ELMO1: variants seen among roughly 807,000 people sequenced by gnomAD.
ELMO1 encodes the protein engulfment and cell motility protein 1.
Under a neutral mutation model 98.9 loss-of-function variants are expected in ELMO1, and 26 were observed. That is an observed-to-expected ratio of 0.26 (90% CI 0.19 to 0.36). ELMO1 has a LOEUF of 0.36. ELMO1 is among the 10% of genes least tolerant of loss of function. The pLI, the probability that ELMO1 is intolerant of heterozygous loss-of-function variation, is 1.00. For synonymous variants in ELMO1, 346 were observed against 346.0 expected (o/e 1.00, Z 0.00); for missense variants, 627 against 935.2 (o/e 0.67, Z 4.30).
chr7:37,044,571 T>A (rs1356375322), intron 15 of ELMO1, among the ~76,000 whole-genome samples: 1 of 152,088 alleles, frequency 6.6e-6, no homozygotes, highest in East Asian at 1.9e-4. Context: ...CTCTCTCAGC[T>A]CTCCCTATGA....
intron 18 of ELMO1, among the ~76,000 whole-genome samples, chr7:36,885,259 C>T (rs561569010): frequency 1.4e-3 from 216 of 151,992 alleles, no homozygotes; most frequent in Non-Finnish European, 2.8e-3. Context: ...TTTTTTTGTT[C>T]AGGGGTAGTT....
chr7:37,030,859 T>C (rs1309367837), intron 15 of ELMO1, among the ~76,000 whole-genome samples: 1 of 152,222 alleles, frequency 6.6e-6, no homozygotes, highest in African/African-American at 2.4e-5. Context: ...AATCTCTATT[T>C]TGAACCAAGA....
At chr7:36,999,305 C>T (rs1792463195) in intron 16 of ELMO1, among the ~76,000 whole-genome samples, 1 of 152,186 alleles carries the variant, frequency 6.6e-6, no homozygotes, top group South Asian at 2.1e-4. Context: ...ATGAGCAGAA[C>T]AGAACTACAA....
intron 18 of ELMO1, among the ~76,000 whole-genome samples, chr7:36,879,567 G>T (rs1219339049): frequency 6.6e-6 from 1 of 152,200 alleles, no homozygotes; most frequent in Non-Finnish European, 1.5e-5. Context: ...TTTAAGAATG[G>T]AAGTAAAAGC....
chr7:37,132,667 G>A (rs1787005059), intron 14 of ELMO1, among the ~76,000 whole-genome samples: 2 of 152,148 alleles, frequency 1.3e-5, no homozygotes, highest in Non-Finnish European at 1.5e-5. Context: ...CTACCTTCGT[G>A]ACTAGAATTT....
At chr7:37,190,993 T>A (rs1033347973) in intron 13 of ELMO1, among the ~76,000 whole-genome samples, 11 of 151,054 alleles carry the variant, frequency 7.3e-5, no homozygotes, top group African/African-American at 2.7e-4. Flanking sequence ...ATAGAGACCA[T>A]CCCGGCTAAC....
At chr7:37,225,097 C>A (rs953785569) in intron 8 of ELMO1, 67 bp from the exon 9 acceptor site, 1 of 1,577,958 alleles carries the variant, frequency 6.3e-7, no homozygotes, top group South Asian at 1.1e-5. Flanking sequence ...GAGAAGGGAA[C>A]AAATGAATCA....
chr7:37,205,845 C>T (rs190263279), intron 13 of ELMO1, among the ~76,000 whole-genome samples: 106 of 152,210 alleles, frequency 7.0e-4, no homozygotes, highest in African/African-American at 2.4e-3. Flanking sequence ...TTTGCAAATA[C>T]GGAATCCATG....
chr7:36,905,892 G>A (rs1562813070), intron 16 of ELMO1, among the ~76,000 whole-genome samples: 1 of 152,234 alleles, frequency 6.6e-6, no homozygotes. Context: ...TAAATGAAAA[G>A]TCCATTGTCT....
chr7:36,927,419 A>T (rs989533308), intron 16 of ELMO1, among the ~76,000 whole-genome samples: 2 of 152,254 alleles, frequency 1.3e-5, no homozygotes, highest in Admixed American at 1.3e-4. Flanking sequence ...TATGCCTGTT[A>T]ACAATACCTT....
chr7:37,239,148 A>C (rs1418756789), intron 7 of ELMO1, among the ~76,000 whole-genome samples: 1 of 151,788 alleles, frequency 6.6e-6, no homozygotes, highest in Admixed American at 6.6e-5. Flanking sequence ...TGTTGTATGA[A>C]GGTTTTCGAG....
At chr7:36,958,544 A>T (rs1336511607) in intron 16 of ELMO1, among the ~76,000 whole-genome samples, 1 of 152,192 alleles carries the variant, frequency 6.6e-6, no homozygotes, top group Non-Finnish European at 1.5e-5. Flanking sequence ...AACTTCTGTA[A>T]TCAGACGGTG....
intron 1 of ELMO1, among the ~76,000 whole-genome samples, chr7:37,360,551 T>A (rs1256152161): frequency 6.6e-6 from 1 of 152,186 alleles, no homozygotes; most frequent in Admixed American, 6.5e-5. Context: ...CATAACTTTT[T>A]AGAGAAAAAT....
intron 16 of ELMO1, among the ~76,000 whole-genome samples, chr7:36,963,176 G>C (rs1011882752): frequency 6.6e-6 from 1 of 151,864 alleles, no homozygotes; most frequent in Admixed American, 6.6e-5. Context: ...CGAGGTCATC[G>C]AGACCATCCT....
intron 13 of ELMO1, among the ~76,000 whole-genome samples, chr7:37,190,960 G>A (rs71539821): frequency 0.15 from 22,688 of 151,542 alleles, 1,761 homozygotes; most frequent in South Asian, 0.26. Flanking sequence ...AGGCAGAGGC[G>A]GGTGGATCAT....
intron 15 of ELMO1, among the ~76,000 whole-genome samples, chr7:37,074,118 TATAA>T (rs1282386055): frequency 2.0e-5 from 3 of 148,178 alleles, no homozygotes; most frequent in Non-Finnish European, 4.5e-5. Context: ...TATTTAAGTA[TATAA>T]ATATATTTAT....
chr7:37,159,685 C>T (rs887305187), intron 13 of ELMO1, among the ~76,000 whole-genome samples: 6 of 151,778 alleles, frequency 4.0e-5, no homozygotes, highest in South Asian at 2.1e-4. Context: ...GGTGACACAG[C>T]GAGACTCTGT....
At chr7:37,406,904 G>C (rs2131481110) in intron 1 of ELMO1, among the ~76,000 whole-genome samples, 1 of 152,252 alleles carries the variant, frequency 6.6e-6, no homozygotes, top group East Asian at 1.9e-4. Context: ...CTTCAGATAG[G>C]CAAAGATGAA....
intron 1 of ELMO1, among the ~76,000 whole-genome samples, chr7:37,440,552 C>T (rs1424679751): frequency 6.6e-6 from 1 of 151,786 alleles, no homozygotes; most frequent in East Asian, 1.9e-4. Context: ...GGGTGGATCA[C>T]GAGGTCAGGA....
Sources: gnomAD v4.1 joint callset for allele counts (sites outside exome capture counted in the v4.1 genomes callset) on GRCh38, gnomAD v4.1.1 for gene constraint, MANE v1.5 for transcripts, NCBI Gene and HGNC (gene_info 2026-07-23, HGNC 2026-07-21) for gene names.